The following ZC3H11A variants were observed in gnomAD, a reference collection of about 807,000 sequenced individuals.
ZC3H11A encodes the protein zinc finger CCCH-type containing 11A, also known as zinc finger CCCH domain-containing protein 11A.
A neutral mutation model predicts 90.8 loss-of-function variants in ZC3H11A; 22 were observed. That is an observed-to-expected ratio of 0.24 (90% CI 0.17 to 0.35). The LOEUF (loss-of-function observed/expected upper bound fraction) is 0.35. Among genes scored for constraint, ZC3H11A ranks in the 10% least tolerant of loss-of-function variants. The probability of loss-of-function intolerance (pLI) is 1.00; values close to 1 mark genes in which losing one functional copy is unlikely to be tolerated. For synonymous variants in ZC3H11A, 294 were observed against 339.8 expected, an observed-to-expected ratio of 0.87 and a Z score of 1.48; for missense variants, 701 against 964.9, an observed-to-expected ratio of 0.73 and a Z score of 3.62.
chr1:203,797,844 G>C (rs1276076524), intron 1 of ZC3H11A: 1 of 1,536,108 alleles, frequency 6.5e-7, no homozygotes, highest in South Asian at 1.2e-5. Context: ...CAATGACCCT[G>C]AGCAGGATGA....
At position 203,817,105 on chromosome 1, in the gene ZC3H11A, T is replaced by C. The variant is rs775620516; in HGVS notation, c.35T>C (p.Phe12Ser). 1 of 1,610,118 alleles carries C rather than the reference T, an allele frequency of 6.2e-7. No homozygotes were observed. Among genetic ancestry groups the C allele is most frequent in the Non-Finnish European group, 8.5e-7 (1 of 1,178,464 alleles). ...CAAGGAGAAGACTGCTATTTTTTTT[T>C]CTATTCCACATGTACCAAAGTAAGA... ...PNQGEDCYFFFYSTCTKGDSC... is the reference protein window; with the variant it reads ...PNQGEDCYFFSYSTCTKGDSC... The change falls in exon 3 of 18, where the codon TTC (phenylalanine) becomes TCC (serine). Residue 12 changes from phenylalanine (F) to serine (S), a missense_variant. This residue lies in a region of ZC3H11A where 59 missense variants were observed against 132.8 expected (regional missense o/e 0.44). Coordinates refer to ENST00000367210, the MANE Select transcript of ZC3H11A (RefSeq NM_001376342.1).
intron 2 of ZC3H11A, among the ~76,000 whole-genome samples, chr1:203,815,202 C>CTTCCT (rs1277843005): frequency 1.4e-5 from 1 of 73,574 alleles, no homozygotes; most frequent in African/African-American, 5.3e-5. Context: ...TCATTATTTT[C>CTTCCT]TTCCTTTTCT....
intron 1 of ZC3H11A, chr1:203,799,921 G>GT: frequency 6.5e-7 from 1 of 1,536,142 alleles, no homozygotes. Context: ...GAAGAGGTCT[G>GT]TAATTATATG....
Position 203,850,565 on chromosome 1 carries a change from C to T in ZC3H11A, c.1990C>T (p.Pro664Ser). 2.5e-6 allele frequency: 4 copies of T among 1,614,002 alleles called. No homozygotes were observed. The highest frequency in any genetic ancestry group is 3.4e-6 in the Non-Finnish European group (4 of 1,179,908). ...KPSVVKVVSS[P>S]KLAPKRKAVE... The stretch of plus-strand genomic sequence containing the variant: ...ATCTGTGGTTAAAGTTGTGTCATCC[C>T]CCAAATTGGCCCCAAAACGTAAGGC... Residue 664 changes from proline to serine, a missense_variant, in exon 16 of 18, where the codon CCC becomes TCC. Pro to Ser is a moderately conservative substitution (Grantham distance 74). Coordinates refer to ENST00000367210, the MANE Select transcript of ZC3H11A (RefSeq NM_001376342.1).
chr1:203,810,130 T>C (rs371580109), intron 2 of ZC3H11A, among the ~76,000 whole-genome samples: 1 of 151,952 alleles, frequency 6.6e-6, no homozygotes, highest in Admixed American at 6.6e-5. Context: ...GAGTGGTGTT[T>C]TTTTTGTTTT....
rs1359765327 is a variant in ZC3H11A, at chr1:203,847,294, C to A, written c.1153C>A (p.Pro385Thr). ...ELQTKLKTEG[P>T]SKTDDSTSGA... ...GCAAACTAAACTCAAGACAGAAGGA[C>A]CTTCAAAAACTGATGATTCTACTTC... The change falls in exon 13 of 18, where the codon CCT (proline) becomes ACT (threonine). Residue 385 changes from proline to threonine, a missense_variant. Coordinates refer to ENST00000367210, the MANE Select transcript of ZC3H11A (RefSeq NM_001376342.1). 3.7e-6 allele frequency: 6 copies of A among 1,613,698 alleles called. No individual in the cohort carries two copies. The highest frequency in any genetic ancestry group is 1.3e-5 in the African/African-American group (1 of 74,858).
chr1:203,809,326 C>T (rs181852789), intron 2 of ZC3H11A, among the ~76,000 whole-genome samples: 2 of 152,078 alleles, frequency 1.3e-5, no homozygotes, highest in Admixed American at 1.3e-4. Flanking sequence ...CAGGCGCACA[C>T]TACCGTGCCC....
intron 17 of ZC3H11A, 24 bp from the exon 18 acceptor site, chr1:203,852,117 C>T: frequency 6.2e-7 from 1 of 1,611,974 alleles, no homozygotes; most frequent in Non-Finnish European, 8.5e-7. Flanking sequence ...CGGCAGTTTT[C>T]TAATAATCTT....
rs1394146836 is a variant in ZC3H11A, at chr1:203,850,329, A to T, written c.1940-186A>T. 3.7e-6 allele frequency: 3 copies of T among 817,066 alleles called. No homozygotes were observed. The East Asian group carries it at 7.7e-5, about 21-fold the overall frequency. The allele number at this position is 817,066 out of a possible 1,614,324, so 50.6% of individuals were successfully genotyped here. Reference sequence around the variant, plus strand: ...CAAATTTAAGTGGTATTGTATCTACATGGTGACCACCTGTAGTGACCACCA... The same window carrying T: ...CAAATTTAAGTGGTATTGTATCTACTTGGTGACCACCTGTAGTGACCACCA... On this transcript the variant is annotated intron_variant, in intron 15 of 17. Coordinates refer to ENST00000367210, the MANE Select transcript of ZC3H11A (RefSeq NM_001376342.1).
At position 203,802,891 on chromosome 1, in the gene ZC3H11A, G is replaced by A. The variant is rs1372901575; in HGVS notation, c.-271G>A. The stretch of plus-strand genomic sequence containing the variant: ...GGCTGAGAGGTTTTCTTGGCAATGT[G>A]AGGAGGAAATTTTTTTCTGCCTCAT... On this transcript the variant is annotated 5_prime_UTR_variant, in exon 2 of 18. An upstream open reading frame in the 5' UTR loses its in-frame stop. Transcript: ENST00000367210. 1 of 152,476 alleles carries A rather than the reference G, an allele frequency of 6.6e-6. No homozygotes were observed. Among genetic ancestry groups the A allele is most frequent in the Non-Finnish European group, 1.5e-5 (1 of 68,006 alleles). 9.4% of individuals were successfully genotyped at this position (152,476 alleles called of 1,614,324 possible). A position where few individuals can be genotyped will look rare whatever the true frequency, so the allele number is the denominator to read the frequency against.
At chr1:203,812,097 A>G (rs1558103068) in intron 2 of ZC3H11A, among the ~76,000 whole-genome samples, 1 of 152,026 alleles carries the variant, frequency 6.6e-6, no homozygotes, top group East Asian at 1.9e-4. Flanking sequence ...GATTACATGT[A>G]TGAGTCACCA....
intron 17 of ZC3H11A, among the ~76,000 whole-genome samples, chr1:203,851,425 G>T (rs1218864637): frequency 6.6e-6 from 1 of 152,140 alleles, no homozygotes; most frequent in Non-Finnish European, 1.5e-5. Context: ...CACTTCCCGG[G>T]TTCAAGCAAT....
At chr1:203,850,758 T>C (rs1689065492) in intron 16 of ZC3H11A, 77 bp downstream of exon 16, 2 of 1,541,966 alleles carry the variant, frequency 1.3e-6, no homozygotes, top group African/African-American at 2.7e-5. Flanking sequence ...CCACTAGCAT[T>C]CTATCTTGAG....
At chr1:203,834,763 C>T (rs960370947) in intron 10 of ZC3H11A, among the ~76,000 whole-genome samples, 4 of 152,202 alleles carry the variant, frequency 2.6e-5, no homozygotes, top group African/African-American at 9.6e-5. Context: ...GATTCTCCTG[C>T]CTCAGCCTCT....
At chr1:203,804,217 T>A (rs1671442083) in intron 2 of ZC3H11A, among the ~76,000 whole-genome samples, 1 of 150,786 alleles carries the variant, frequency 6.6e-6, no homozygotes, top group African/African-American at 2.4e-5. Context: ...AGTGGCGTGA[T>A]CTCGATTCAC....
intron 1 of ZC3H11A, chr1:203,799,451 C>G: frequency 1.4e-6 from 1 of 702,984 alleles, no homozygotes; most frequent in Non-Finnish European, 2.6e-6. Flanking sequence ...TGAAGCAGGA[C>G]GAAACTGGCC....
In ZC3H11A at chr1:203,833,881, C is replaced by A. The variant is rs200470273; in HGVS notation, c.874+28C>A. On this transcript the variant is annotated intron_variant, in intron 10 of 17. Coordinates refer to ENST00000367210, the MANE Select transcript of ZC3H11A (RefSeq NM_001376342.1). ...AAGATAAGTTTTGTGTATATCTTTT[C>A]TTTTCTACTTGTTTGTGCATTAACA... The A allele has an allele frequency of 8.8e-6, 14 of 1,590,600 alleles. No homozygotes were observed. The African/African-American group carries it at 1.5e-4, about 17-fold the overall frequency.
chr1:203,810,678 C>T (rs1674151057), intron 2 of ZC3H11A, among the ~76,000 whole-genome samples: 1 of 152,124 alleles, frequency 6.6e-6, no homozygotes, highest in South Asian at 2.1e-4. Flanking sequence ...CTCGGACTCC[C>T]AAAATGCTGG....
intron 1 of ZC3H11A, chr1:203,800,496 T>G (rs1670231816): frequency 6.9e-7 from 1 of 1,457,648 alleles, no homozygotes; most frequent in Non-Finnish European, 9.0e-7. Flanking sequence ...GGCAACTTTT[T>G]GCTGTGTTAC....
Sources: allele counts gnomAD v4.1 joint callset (sites outside exome capture counted in the v4.1 genomes callset), GRCh38; gene constraint gnomAD v4.1.1; regional missense constraint gnomAD v4.1.1; transcripts MANE v1.5; gene names NCBI Gene and HGNC (gene_info 2026-07-23, HGNC 2026-07-21).